The following EPHB1 variants were observed in gnomAD, a reference collection of about 807,000 sequenced individuals.
EPHB1 encodes ephrin type-B receptor 1.
In EPHB1, 30 loss-of-function variants were observed where a neutral mutation model predicts 94.4. The observed-to-expected ratio is 0.32, with a 90% confidence interval of 0.24 to 0.43. The LOEUF is 0.43. EPHB1 is among the 20% of genes least tolerant of loss of function. The probability of loss-of-function intolerance (pLI) is 1.00; values close to 1 mark genes in which losing one functional copy is unlikely to be tolerated. For missense variants in EPHB1, 1,055 were observed against 1,308.3 expected (o/e 0.81, Z 2.99); for synonymous variants, 522 against 489.1 (o/e 1.07, Z -0.89).
intron 9 of EPHB1, among the ~76,000 whole-genome samples, chr3:135,177,512 A>G (rs911488692): frequency 6.6e-6 from 1 of 152,086 alleles, no homozygotes. Context: ...CCTTGACCCC[A>G]GAGTGGGACA....
chr3:134,998,055 T>A (rs2107741139), intron 3 of EPHB1, among the ~76,000 whole-genome samples: 1 of 151,924 alleles, frequency 6.6e-6, no homozygotes, highest in Admixed American at 6.5e-5. Flanking sequence ...AGGTCTTAGT[T>A]CAATTTCTCA....
chr3:135,254,425 G>A (rs1394238779), intron 15 of EPHB1, among the ~76,000 whole-genome samples: 1 of 120,386 alleles, frequency 8.3e-6, no homozygotes, highest in South Asian at 3.6e-4. Flanking sequence ...TAGCATGAAG[G>A]GTTGTTGAAT....
At chr3:135,013,912 T>C (rs188139072) in intron 3 of EPHB1, among the ~76,000 whole-genome samples, 2 of 152,160 alleles carry the variant, frequency 1.3e-5, no homozygotes, top group East Asian at 3.9e-4. Flanking sequence ...AGGTTGAAGA[T>C]GAGATTCTAT....
chr3:135,013,542 A>G (rs980258886), intron 3 of EPHB1, among the ~76,000 whole-genome samples: 5 of 152,218 alleles, frequency 3.3e-5, no homozygotes, highest in African/African-American at 1.2e-4. Flanking sequence ...GAGAGACAGA[A>G]AAGGAGGCAT....
chr3:135,088,753 T>TG (rs1314182701), intron 3 of EPHB1, among the ~76,000 whole-genome samples: 4 of 152,196 alleles, frequency 2.6e-5, no homozygotes, highest in Admixed American at 2.6e-4. Flanking sequence ...CCAATACTCA[T>TG]GCATTATCAA....
intron 3 of EPHB1, among the ~76,000 whole-genome samples, chr3:135,059,961 A>G (rs1419949266): frequency 6.6e-6 from 1 of 152,212 alleles, no homozygotes; most frequent in Non-Finnish European, 1.5e-5. Flanking sequence ...TAGCAAAGAG[A>G]ACCAGAGTCA....
At chr3:135,043,595 C>T (rs1936915089) in intron 3 of EPHB1, among the ~76,000 whole-genome samples, 1 of 152,214 alleles carries the variant, frequency 6.6e-6, no homozygotes, top group South Asian at 2.1e-4. Flanking sequence ...ACCTCCCTGT[C>T]AGGTAATCAC....
chr3:135,008,280 A>G (rs953080678), intron 3 of EPHB1, among the ~76,000 whole-genome samples: 5 of 152,208 alleles, frequency 3.3e-5, no homozygotes, highest in Non-Finnish European at 7.3e-5. Flanking sequence ...CACACTTACA[A>G]TGTGAACTCA....
In EPHB1 at chr3:135,162,311, T is replaced by C. The variant is rs1367472061; in HGVS notation, c.1585+131T>C. The C allele has an allele frequency of 5.4e-6, 6 of 1,101,876 alleles. No individual in the cohort carries two copies. The African/African-American group carries it at 9.6e-5, about 18-fold the overall frequency. The allele number at this position is 1,101,876 out of a possible 1,614,324, so 68.3% of individuals were successfully genotyped here. ...TTCCAGTGGAATTCCCTTCAAACGGTTTGCCTCCCAGTAGGGCCATGTAGA... is the reference window on the plus strand; with the variant it reads ...TTCCAGTGGAATTCCCTTCAAACGGCTTGCCTCCCAGTAGGGCCATGTAGA... On this transcript the variant is annotated intron_variant, in intron 7 of 15. Coordinates refer to ENST00000398015, the MANE Select transcript of EPHB1 (RefSeq NM_004441.5).
chr3:135,186,635 C>G (rs1559866921), intron 10 of EPHB1, among the ~76,000 whole-genome samples: 1 of 151,072 alleles, frequency 6.6e-6, no homozygotes, highest in Non-Finnish European at 1.5e-5. Flanking sequence ...CTGTGCATAA[C>G]CAGAAGCTAC....
At chr3:134,934,220 G>T (rs2038957571) in intron 2 of EPHB1, among the ~76,000 whole-genome samples, 1 of 152,200 alleles carries the variant, frequency 6.6e-6, no homozygotes, top group South Asian at 2.1e-4. Flanking sequence ...ATGAAGCAAT[G>T]AGGAACAAAA....
chr3:134,996,035 A>G (rs549118932), intron 3 of EPHB1, among the ~76,000 whole-genome samples: 2 of 152,260 alleles, frequency 1.3e-5, no homozygotes, highest in East Asian at 3.9e-4. Flanking sequence ...ATGGATGTCC[A>G]TGCTATCATG....
chr3:135,096,966 C>T (rs1021539186), intron 3 of EPHB1, among the ~76,000 whole-genome samples: 5 of 151,964 alleles, frequency 3.3e-5, no homozygotes, highest in African/African-American at 1.2e-4. Flanking sequence ...TGTGGTGACA[C>T]ATGCCTGTAG....
intron 1 of EPHB1, among the ~76,000 whole-genome samples, chr3:134,868,320 A>C (rs2037423248): frequency 6.6e-6 from 1 of 152,170 alleles, no homozygotes; most frequent in East Asian, 1.9e-4. Flanking sequence ...AAGGCCATAG[A>C]TGGGGGCACC....
chr3:134,895,130 G>A (rs1337944893), intron 1 of EPHB1, among the ~76,000 whole-genome samples: 1 of 152,170 alleles, frequency 6.6e-6, no homozygotes, highest in Admixed American at 6.5e-5. Context: ...CAAAATTAAT[G>A]CAAAATAGGA....
intron 3 of EPHB1, among the ~76,000 whole-genome samples, chr3:135,096,473 G>A (rs964662376): frequency 6.6e-6 from 1 of 152,198 alleles, no homozygotes; most frequent in African/African-American, 2.4e-5. Flanking sequence ...CCTGGAGGAG[G>A]ATCTGAGATT....
intron 13 of EPHB1, among the ~76,000 whole-genome samples, chr3:135,245,642 C>A (rs1390875377): frequency 7.3e-5 from 11 of 151,314 alleles, no homozygotes; most frequent in Non-Finnish European, 1.2e-4. Context: ...CCTGTCTCTA[C>A]TAAAAATACA....
chr3:135,004,723 T>A, intron 3 of EPHB1, among the ~76,000 whole-genome samples: 1 of 151,508 alleles, frequency 6.6e-6, no homozygotes, highest in East Asian at 1.9e-4. Flanking sequence ...CTTCCATTAC[T>A]GATACCCTTT....
At chr3:134,833,914 G>T (rs62272425) in intron 1 of EPHB1, among the ~76,000 whole-genome samples, 18,048 of 152,234 alleles carry the variant, frequency 0.12, 1,207 homozygotes, top group South Asian at 0.31. Context: ...AATAAGCAGA[G>T]ATAGTTACGG....
Sources: allele counts gnomAD v4.1 joint callset (sites outside exome capture counted in the v4.1 genomes callset), GRCh38; gene constraint gnomAD v4.1.1; transcripts MANE v1.5; gene names NCBI Gene and HGNC (gene_info 2026-07-23, HGNC 2026-07-21).